ZFAND3: variants seen among roughly 807,000 people sequenced by gnomAD.
ZFAND3 encodes zinc finger AN1-type containing 3.
ZFAND3 carries 10 observed loss-of-function variants against 29.6 expected under a neutral mutation model. The observed-to-expected ratio is 0.34, with a 90% CI of 0.21 to 0.57. ZFAND3 has a LOEUF of 0.57. ZFAND3 is among the 20% of genes least tolerant of loss of function. The pLI, the probability that ZFAND3 is intolerant of heterozygous loss-of-function variation, is 0.86. For missense variants in ZFAND3, 230 were observed against 304.5 expected (o/e 0.76, Z 1.82); for synonymous variants, 128 against 112.6 (o/e 1.14, Z -0.87).
rs1430487276 is a variant in ZFAND3 at position 38,056,324 on chromosome 6, G to C, written c.113-5269G>C. On this transcript the variant is annotated intron_variant, in intron 2 of 5. Coordinates refer to ENST00000287218, the MANE Select transcript of ZFAND3 (RefSeq NM_021943.3). ...GAGGAAAAAAATAGGTTATGGAACA[G>C]GGTTAAAAAGAATTAATTTGTTTTC... is the stretch of plus-strand genomic sequence containing the variant. Among the ~76,000 whole-genome samples, 3 of 152,182 alleles carry C rather than the reference G, an allele frequency of 2.0e-5. No individual in the cohort carries two copies. In the East Asian group the frequency reaches 5.8e-4, roughly 29 times the overall value.
rs183509211 is a variant in ZFAND3 at position 38,000,192 on chromosome 6, T to C, written c.113-61401T>C. Among the ~76,000 whole-genome samples, 13 of 152,326 alleles carry C rather than the reference T, an allele frequency of 8.5e-5. No homozygotes were observed. The East Asian group carries it at 1.2e-3, about 14-fold the overall frequency. On this transcript the variant is annotated intron_variant, in intron 2 of 5. Transcript: ENST00000287218. ...TTACTGTGATGATCCTGAGAGGTTTTGAGATGATGTTGATCTCAGATTGAT... is the reference window on the plus strand; with the variant it reads ...TTACTGTGATGATCCTGAGAGGTTTCGAGATGATGTTGATCTCAGATTGAT...
chr6:37,912,753 T>A (rs972559458), intron 1 of ZFAND3, among the ~76,000 whole-genome samples: 3 of 152,244 alleles, frequency 2.0e-5, no homozygotes, highest in African/African-American at 7.2e-5. Context: ...GTGAGAAAAC[T>A]GTTTGAAAAA....
At chr6:38,041,665 T>C (rs141833326) in intron 2 of ZFAND3, among the ~76,000 whole-genome samples, 2,441 of 26,916 alleles carry the variant, frequency 0.091, 87 homozygotes, top group African/African-American at 0.15. Context: ...CTTCTTCTTC[T>C]TCTTCTTCTT....
intron 2 of ZFAND3, among the ~76,000 whole-genome samples, chr6:38,047,034 G>T (rs969014624): frequency 6.6e-6 from 1 of 152,000 alleles, no homozygotes; most frequent in South Asian, 2.1e-4. Flanking sequence ...TTTGAAATAC[G>T]ACTTCTGGCC....
chr6:38,141,407 C>A (rs1317743892), intron 5 of ZFAND3, among the ~76,000 whole-genome samples: 1 of 152,196 alleles, frequency 6.6e-6, no homozygotes, highest in Non-Finnish European at 1.5e-5. Flanking sequence ...TCAGCTGTAC[C>A]TGTAGAGGAG....
chr6:38,030,051 GATATATAT>G (rs58560520), intron 2 of ZFAND3, among the ~76,000 whole-genome samples: 2,353 of 92,938 alleles, frequency 0.025, 45 homozygotes, highest in Admixed American at 0.035. Flanking sequence ...AGTTCTGCTG[GATATATAT>G]ATATATATAT....
chr6:38,120,320 CTTTTTTTT>C (rs70981523), intron 5 of ZFAND3, among the ~76,000 whole-genome samples: 58 of 60,690 alleles, frequency 9.6e-4, no homozygotes, highest in Non-Finnish European at 1.3e-3. Flanking sequence ...GCTTGGCTTC[CTTTTTTTT>C]TTTTTTTTTT....
intron 5 of ZFAND3, among the ~76,000 whole-genome samples, chr6:38,142,812 A>G (rs1405934955): frequency 1.3e-5 from 2 of 152,206 alleles, no homozygotes; most frequent in Non-Finnish European, 2.9e-5. Context: ...CTGAAATGAA[A>G]TGATGTTTGA....
At chr6:37,829,978 C>T (rs1399619588) in intron 1 of ZFAND3, among the ~76,000 whole-genome samples, 3 of 152,176 alleles carry the variant, frequency 2.0e-5, no homozygotes, top group Non-Finnish European at 4.4e-5. Flanking sequence ...TCCCTACAAA[C>T]TGCATTTTCT....
At chr6:37,862,518 CAAAAAAA>C (rs79671764) in intron 1 of ZFAND3, among the ~76,000 whole-genome samples, 1 of 111,608 alleles carries the variant, frequency 9.0e-6, no homozygotes, top group Admixed American at 9.2e-5. Context: ...CCTATCTTTC[CAAAAAAA>C]AAAAAAAGAA....
At chr6:38,147,783 G>A (rs1483782526) in intron 5 of ZFAND3, among the ~76,000 whole-genome samples, 1 of 151,882 alleles carries the variant, frequency 6.6e-6, no homozygotes, top group Non-Finnish European at 1.5e-5. Context: ...TTTGATAATT[G>A]TCTATTCATG....
At chr6:38,072,480 G>A (rs1233851146) in intron 3 of ZFAND3, among the ~76,000 whole-genome samples, 2 of 152,048 alleles carry the variant, frequency 1.3e-5, no homozygotes, top group Non-Finnish European at 2.9e-5. Flanking sequence ...TAAATTAAAT[G>A]CTCTGTCCTT....
chr6:37,863,030 C>T lies in ZFAND3; in HGVS notation c.71+43014C>T, dbSNP rs190634461. 1.1e-3 allele frequency among the ~76,000 whole-genome samples: 167 copies of T among 152,136 alleles called. 1 individual carries two copies. The highest frequency in any genetic ancestry group is 3.3e-3 in the Admixed American group (50 of 15,280). On this transcript the variant is annotated intron_variant, in intron 1 of 5. Transcript: ENST00000287218. Reference sequence around the variant, plus strand: ...CCCAAATCCATCAGAAGGCAGGCATCGAGTAATGGCAACACTATTGCTGTG... The same window carrying T: ...CCCAAATCCATCAGAAGGCAGGCATTGAGTAATGGCAACACTATTGCTGTG...
intron 2 of ZFAND3, among the ~76,000 whole-genome samples, chr6:38,028,935 T>G (rs1163155306): frequency 1.3e-5 from 2 of 152,240 alleles, no homozygotes; most frequent in Non-Finnish European, 2.9e-5. Context: ...ATTGTTTTAA[T>G]GACTTCTGAT....
chr6:38,032,055 ACTCCTGTGCTCAAGTGATCCTCC>A (rs1339431894), intron 2 of ZFAND3, among the ~76,000 whole-genome samples: 1 of 151,692 alleles, frequency 6.6e-6, no homozygotes, highest in East Asian at 1.9e-4. Flanking sequence ...CTGGTCTCTA[ACTCCTGTGCTCAAGTGATCCTCC>A]CTCCTCAACC....
intron 2 of ZFAND3, among the ~76,000 whole-genome samples, chr6:37,935,100 T>C (rs144376094): frequency 4.1e-4 from 62 of 152,300 alleles, no homozygotes; most frequent in African/African-American, 1.5e-3. Context: ...TTAGTTGATA[T>C]ATAATTCTTC....
chr6:37,866,131 C>T (rs1197732127), intron 1 of ZFAND3, among the ~76,000 whole-genome samples: 1 of 152,140 alleles, frequency 6.6e-6, no homozygotes, highest in Non-Finnish European at 1.5e-5. Flanking sequence ...TCTGTAGTGG[C>T]AACTCCTACC....
intron 5 of ZFAND3, among the ~76,000 whole-genome samples, chr6:38,150,493 C>A (rs969383964): frequency 3.9e-5 from 6 of 152,190 alleles, no homozygotes; most frequent in African/African-American, 1.4e-4. Context: ...ACTGGTTAGT[C>A]CCCAGCCATT....
chr6:38,002,699 C>T (rs75192044), intron 2 of ZFAND3: 9,398 of 152,068 alleles, frequency 0.062, 363 homozygotes, highest in Non-Finnish European at 0.087. Flanking sequence ...AAATAAAACA[C>T]CCTATGATAG....
Sources: gnomAD v4.1 joint callset for allele counts (sites outside exome capture counted in the v4.1 genomes callset) on GRCh38, gnomAD v4.1.1 for gene constraint, MANE v1.5 for transcripts, NCBI Gene and HGNC (gene_info 2026-07-23, HGNC 2026-07-21) for gene names.